Variants in PECR observed in about 807,000 individuals in gnomAD.
The protein encoded by PECR is peroxisomal trans-2-enoyl-CoA reductase, also known as 2,4-dienoyl-CoA reductase-related protein.
Under a neutral mutation model 35.3 loss-of-function variants are expected in PECR, and 30 were observed. That is an observed-to-expected ratio of 0.85 (90% CI 0.64 to 1.15). The LOEUF is 1.15. PECR is among the 50% of genes most tolerant of loss of function. PECR has a pLI of 0.00. For missense variants in PECR, 392 were observed against 370.8 expected (o/e 1.06, Z -0.47); for synonymous variants, 148 against 138.9 (o/e 1.07, Z -0.46).
intron 7 of PECR, among the ~76,000 whole-genome samples, chr2:216,041,675 C>T (rs1431717878): frequency 2.0e-5 from 3 of 152,194 alleles, no homozygotes; most frequent in African/African-American, 7.2e-5. Context: ...ACCAGACAGA[C>T]CAAGGCATGA....
At chr2:216,077,635 T>C (rs1278077043) in intron 1 of PECR, among the ~76,000 whole-genome samples, 3 of 151,724 alleles carry the variant, frequency 2.0e-5, no homozygotes, top group Admixed American at 6.6e-5. Flanking sequence ...GGTGAAACCT[T>C]GTCTCTACTA....
chr2:216,051,720 A>G (rs918089214), intron 4 of PECR, among the ~76,000 whole-genome samples, 175 bp from the exon 5 acceptor site: 1 of 152,224 alleles, frequency 6.6e-6, no homozygotes, highest in Non-Finnish European at 1.5e-5. Context: ...GTCCTTCAAT[A>G]TTAAATCCAA....
chr2:216,074,746 TA>T (rs1695662066), intron 1 of PECR, among the ~76,000 whole-genome samples: 1 of 152,230 alleles, frequency 6.6e-6, no homozygotes, highest in Non-Finnish European at 1.5e-5. Flanking sequence ...CTACTACAAG[TA>T]AAGATGCACT....
chr2:216,031,695 A>AAG (rs1348716269), intron 7 of PECR, among the ~76,000 whole-genome samples: 72 of 107,030 alleles, frequency 6.7e-4, no homozygotes, highest in East Asian at 4.6e-3. Flanking sequence ...AAGAAAGAGA[A>AAG]AGAAAGAAAG....
chr2:216,048,317 C>T (rs1356489853), intron 6 of PECR, among the ~76,000 whole-genome samples: 10 of 151,160 alleles, frequency 6.6e-5, no homozygotes, highest in Admixed American at 2.6e-4. Flanking sequence ...ACTCGTGATC[C>T]GCCTGCCTCG....
chr2:216,043,800 T>A, intron 7 of PECR, 104 bp downstream of exon 7: 1 of 704,234 alleles, frequency 1.4e-6, no homozygotes, highest in Non-Finnish European at 2.7e-6. Flanking sequence ...TGATGTTCTA[T>A]AAGAGAGCAC....
At chr2:216,043,080 T>C (rs1694925460) in intron 7 of PECR, among the ~76,000 whole-genome samples, 1 of 145,970 alleles carries the variant, frequency 6.9e-6, no homozygotes, top group Admixed American at 6.9e-5. Context: ...TGTATATATA[T>C]ACACATACAT....
rs71047969 is a variant in PECR, at chr2:216,048,384, TAAAAAAAAA to T, written c.714+870_714+878del. ...GCCACTGCGCCTGGCCTTGTTTTCT[TAAAAAAAAA>T]AAAAAAAAAAAATTGCATTTCAAGA... On this transcript the variant is annotated intron_variant, in intron 6 of 7. Coordinates refer to ENST00000265322, the MANE Select transcript of PECR (RefSeq NM_018441.6). Among the ~76,000 whole-genome samples, 356 of 132,894 alleles carry T rather than the reference TAAAAAAAAA, an allele frequency of 2.7e-3. 3 individuals are homozygous for T. The highest frequency in any genetic ancestry group is 9.2e-3 in the African/African-American group (327 of 35,594). The allele number at this position is 132,894 out of a possible 152,430, so 87.2% of individuals were successfully genotyped here. A position where few individuals can be genotyped will look rare whatever the true frequency, so the allele number is the denominator to read the frequency against.
chr2:216,033,863 A>G (rs1477818649), downstream of PECR: 1 of 152,208 alleles, frequency 6.6e-6, no homozygotes, highest in Non-Finnish European at 1.5e-5. Flanking sequence ...TACCATACAA[A>G]TCAGAAATAG....
chr2:216,078,179 C>T (rs1445029002), intron 1 of PECR, among the ~76,000 whole-genome samples: 1 of 152,102 alleles, frequency 6.6e-6, no homozygotes, highest in Non-Finnish European at 1.5e-5. Context: ...GGCCTCCATG[C>T]CTGTAATCCT....
At chr2:216,044,938 T>C (rs191292615) in intron 6 of PECR, among the ~76,000 whole-genome samples, 13 of 152,310 alleles carry the variant, frequency 8.5e-5, no homozygotes, top group African/African-American at 2.9e-4. Context: ...AGACTTCAGA[T>C]TCCTAGATCC....
chr2:216,070,043 A>G (rs188777676), intron 1 of PECR, among the ~76,000 whole-genome samples: 26 of 152,352 alleles, frequency 1.7e-4, no homozygotes, highest in Admixed American at 1.7e-3. Context: ...CAATAATTTA[A>G]CAAGGTACAG....
chr2:216,064,509 TAAG>T (rs1407892617), intron 3 of PECR, among the ~76,000 whole-genome samples: 11 of 152,156 alleles, frequency 7.2e-5, no homozygotes, highest in Non-Finnish European at 1.6e-4. Context: ...AGTGGAGCAA[TAAG>T]AAGGATCTTC....
intron 1 of PECR, among the ~76,000 whole-genome samples, chr2:216,068,242 A>C (rs934750155): frequency 6.6e-6 from 1 of 151,606 alleles, no homozygotes; most frequent in East Asian, 1.9e-4. Context: ...AAAAAAAAAA[A>C]AAAAAACCGG....
intron 3 of PECR, among the ~76,000 whole-genome samples, chr2:216,064,512 G>A (rs887445450): frequency 8.5e-5 from 13 of 152,190 alleles, no homozygotes; most frequent in Non-Finnish European, 1.8e-4. Context: ...GGAGCAATAA[G>A]AAGGATCTTC....
At chr2:216,032,091 G>T (rs1398547565) in intron 7 of PECR, among the ~76,000 whole-genome samples, 2 of 152,206 alleles carry the variant, frequency 1.3e-5, no homozygotes, top group African/African-American at 4.8e-5. Context: ...TACAGGGTAA[G>T]AAATTCTAAC....
chr2:216,081,602 C>A lies in PECR; in HGVS notation c.124+16G>T. ...CACCACAGCCACCTCTCTGCACCAG[C>A]GGCCCGCTCACGTACCCAGCTCCAG... On this transcript the variant is annotated intron_variant, in intron 1 of 7. Coordinates refer to ENST00000265322, the MANE Select transcript of PECR (RefSeq NM_018441.6). 6.2e-7 allele frequency: 1 copy of A among 1,613,740 alleles called. No individual in the cohort carries two copies. The highest frequency in any genetic ancestry group is 8.5e-7 in the Non-Finnish European group (1 of 1,179,920).
chr2:216,055,162 G>A (rs1219118825), intron 4 of PECR, among the ~76,000 whole-genome samples: 2 of 150,952 alleles, frequency 1.3e-5, no homozygotes, highest in Admixed American at 6.6e-5. Flanking sequence ...TGTAGGCCAG[G>A]CACAGTGGCT....
At chr2:216,056,988 C>G (rs781523728) in intron 4 of PECR, among the ~76,000 whole-genome samples, 1 of 151,800 alleles carries the variant, frequency 6.6e-6, no homozygotes, top group Non-Finnish European at 1.5e-5. Flanking sequence ...TTTTTTCTAG[C>G]CAACCGAATA....
Sources: gnomAD v4.1 joint callset for allele counts (sites outside exome capture counted in the v4.1 genomes callset) on GRCh38, gnomAD v4.1.1 for gene constraint, MANE v1.5 for transcripts, NCBI Gene and HGNC (gene_info 2026-07-23, HGNC 2026-07-21) for gene names.